MMD2: variants seen among roughly 807,000 people sequenced by gnomAD.
MMD2 encodes monocyte to macrophage differentiation factor 2.
MMD2 carries 30 observed loss-of-function variants against 33.5 expected under a neutral mutation model. That is an observed-to-expected ratio of 0.90 (90% CI 0.67 to 1.22). MMD2 has a LOEUF of 1.22. Ranked by LOEUF, MMD2 falls within the 50% of genes most tolerant of loss-of-function variation. The pLI is 0.00. For synonymous variants in MMD2, 129 were observed against 123.0 expected (o/e 1.05, Z -0.32); for missense variants, 364 against 325.4 (o/e 1.12, Z -0.91).
the MMD2 span, among the ~76,000 whole-genome samples, chr7:4,898,180 A>T: frequency 6.6e-6 from 1 of 152,296 alleles, no homozygotes; most frequent in South Asian, 2.1e-4. Flanking sequence ...AGGCCATAAA[A>T]TGTGATCCTG....
At chr7:4,944,879 T>C (rs1271495822) in intron 1 of MMD2, among the ~76,000 whole-genome samples, 1 of 146,826 alleles carries the variant, frequency 6.8e-6, no homozygotes, top group Non-Finnish European at 1.5e-5. Flanking sequence ...ACCATTATCC[T>C]GCCTCAGCCT....
chr7:4,905,604 G>A (rs756139047), downstream of MMD2, among the ~76,000 whole-genome samples: 4 of 152,084 alleles, frequency 2.6e-5, no homozygotes, highest in Admixed American at 6.6e-5. This position sits in a 1 kb window ranked among gnomAD's most constrained non-coding sequence, Gnocchi z 5.0. Context: ...TCTTGGCCTG[G>A]CATGGTGCCA....
intron 1 of MMD2, among the ~76,000 whole-genome samples, chr7:4,949,489 C>G (rs938873659): frequency 1.3e-5 from 2 of 151,800 alleles, no homozygotes; most frequent in Non-Finnish European, 2.9e-5. Context: ...CCAGTTCCAT[C>G]CATGTTGCTG....
rs1784876964 is a variant in MMD2 at position 4,906,838 on chromosome 7, A to G, written c.*558T>C. On this transcript the variant is annotated 3_prime_UTR_variant, in exon 7 of 7. Coordinates refer to ENST00000401401, the MANE Select transcript of MMD2 (RefSeq NM_198403.4). ...CCAAATTGATTGGTACTGGCTGCCC[A>G]GAACACTGTGCTGGGAAGAATTCTG... is the stretch of plus-strand genomic sequence containing the variant. 3.2e-6 allele frequency: 1 copy of G among 314,556 alleles called. No homozygotes were observed. Among genetic ancestry groups the G allele is most frequent in the Non-Finnish European group, 5.8e-6 (1 of 171,612 alleles). The allele number at this position is 314,556 out of a possible 1,614,324, so 19.5% of individuals were successfully genotyped here.
chr7:4,942,286 G>T (rs537111496), intron 1 of MMD2, among the ~76,000 whole-genome samples: 9 of 150,806 alleles, frequency 6.0e-5, no homozygotes, highest in Admixed American at 4.0e-4. Flanking sequence ...TGTAGAGATG[G>T]GGGGGGTCTT....
intron 1 of MMD2, among the ~76,000 whole-genome samples, chr7:4,941,519 A>T (rs1236897022): frequency 6.6e-6 from 1 of 151,534 alleles, no homozygotes; most frequent in Non-Finnish European, 1.5e-5. Flanking sequence ...AATCCCAGCT[A>T]CTCAGGAGGC....
At chr7:4,917,589 G>C (rs1421910513) in intron 3 of MMD2, among the ~76,000 whole-genome samples, 1 of 152,016 alleles carries the variant, frequency 6.6e-6, no homozygotes, top group East Asian at 1.9e-4. Flanking sequence ...CTACTTGGGA[G>C]GATGAAGCAG....
chr7:4,925,464 C>T lies in MMD2; in HGVS notation c.116G>A (p.Cys39Tyr). Reference sequence around the variant, plus strand: ...AAGCCAACTCACAGCATGGGTGGCACAGTTGGCCGCATGTTCATACTCTGT... The same window carrying T: ...AAGCCAACTCACAGCATGGGTGGCATAGTTGGCCGCATGTTCATACTCTGT... Reference protein sequence around the residue: ...QPTEYEHAANCATHAFWIIPS... With the variant: ...QPTEYEHAANYATHAFWIIPS... Residue 39 changes from cysteine to tyrosine, a missense_variant, in exon 2 of 7, where the codon TGT (cysteine) becomes TAT (tyrosine). By Grantham distance (194) the Cys-to-Tyr change is radical. Coordinates refer to ENST00000401401, the MANE Select transcript of MMD2 (RefSeq NM_198403.4). 1 of 1,564,540 alleles carries T rather than the reference C, an allele frequency of 6.4e-7. No homozygotes were observed. The highest frequency in any genetic ancestry group is 1.4e-5 in the African/African-American group (1 of 72,654).
chr7:4,956,602 TG>T (rs1786387566), intron 1 of MMD2, among the ~76,000 whole-genome samples: 1 of 152,084 alleles, frequency 6.6e-6, no homozygotes, highest in Admixed American at 6.6e-5. Context: ...CATGAAAGAC[TG>T]GCCCGTGCTC....
At chr7:4,920,132 C>T (rs886598932) in intron 3 of MMD2, 39 bp downstream of exon 3, 1 of 1,545,320 alleles carries the variant, frequency 6.5e-7, no homozygotes. Flanking sequence ...CCTGCCCCGA[C>T]CCCCTACCCG....
intron 1 of MMD2, among the ~76,000 whole-genome samples, chr7:4,941,734 T>C (rs1785917755): frequency 6.6e-6 from 1 of 151,784 alleles, no homozygotes. Flanking sequence ...CAGGGGTACA[T>C]GTGCAGGTTT....
rs961825616 is a variant in MMD2 at position 4,907,151 on chromosome 7, G to A, written c.*245C>T. 7.9e-6 allele frequency: 4 copies of A among 507,386 alleles called. No individual in the cohort carries two copies. The highest frequency in any genetic ancestry group is 7.7e-5 in the African/African-American group (4 of 52,046). The allele number at this position is 507,386 out of a possible 1,614,324, so 31.4% of individuals were successfully genotyped here. A position where few individuals can be genotyped will look rare whatever the true frequency, so the allele number is the denominator to read the frequency against. ...GAAGATGTTAATGTTGCTTGTATTA[G>A]GAAACACTCATCTAAAATAGAAACA... is the stretch of plus-strand genomic sequence containing the variant. On this transcript the variant is annotated 3_prime_UTR_variant, in exon 7 of 7. Coordinates refer to ENST00000401401, the MANE Select transcript of MMD2 (RefSeq NM_198403.4).
intron 1 of MMD2, among the ~76,000 whole-genome samples, chr7:4,950,763 G>C (rs898143344): frequency 2.7e-5 from 4 of 146,542 alleles, no homozygotes; most frequent in Admixed American, 7.0e-5. Context: ...CAGCAGGCTA[G>C]AGTGCAGTGG....
chr7:4,915,245 C>T (rs1785110217), intron 4 of MMD2, among the ~76,000 whole-genome samples: 1 of 150,702 alleles, frequency 6.6e-6, no homozygotes, highest in Non-Finnish European at 1.5e-5. Context: ...CACTCCAGCA[C>T]AGGCAACAGA....
At chr7:4,924,171 A>G (rs892369422) in intron 2 of MMD2, among the ~76,000 whole-genome samples, 10 of 151,464 alleles carry the variant, frequency 6.6e-5, no homozygotes, top group Admixed American at 4.6e-4. Flanking sequence ...CAGCCTGGGG[A>G]ACAGAGCGAG....
chr7:4,955,727 T>C (rs1342725007), intron 1 of MMD2, among the ~76,000 whole-genome samples: 1 of 152,208 alleles, frequency 6.6e-6, no homozygotes, highest in Non-Finnish European at 1.5e-5. Context: ...AGATGGAATA[T>C]TAGGCACACA....
At chr7:4,920,376 C>T (rs985435360) in intron 2 of MMD2, 45 bp from the exon 3 acceptor site, 3 of 1,577,322 alleles carry the variant, frequency 1.9e-6, no homozygotes, top group South Asian at 1.2e-5. Context: ...AGCTGGGTGG[C>T]TCAGAGCACA....
At chr7:4,928,419 T>C (rs1435162517) in intron 1 of MMD2, among the ~76,000 whole-genome samples, 1 of 151,184 alleles carries the variant, frequency 6.6e-6, no homozygotes, top group Non-Finnish European at 1.5e-5. Context: ...GCTGGCTCCA[T>C]GCTAAGTACA....
chr7:4,916,881 G>A (rs1018339445), intron 3 of MMD2, among the ~76,000 whole-genome samples: 3 of 151,966 alleles, frequency 2.0e-5, no homozygotes, highest in East Asian at 1.9e-4. Flanking sequence ...AACCAGCCTG[G>A]GCAACACAGT....
Sources: gnomAD v4.1 joint callset for allele counts (sites outside exome capture counted in the v4.1 genomes callset) on GRCh38, gnomAD v4.1.1 for gene constraint, Gnocchi (gnomAD v3.1) non-coding constraint, MANE v1.5 for transcripts, NCBI Gene and HGNC (gene_info 2026-07-23, HGNC 2026-07-21) for gene names.